HERC2: variants seen among roughly 807,000 people sequenced by gnomAD.
HERC2 encodes E3 ubiquitin-protein ligase HERC2.
In HERC2, 102 loss-of-function variants were observed where a neutral mutation model predicts 537.7. The ratio of observed to expected loss-of-function variants is 0.19; its 90% CI spans 0.16 to 0.22. HERC2 has a LOEUF of 0.22. Among genes scored for constraint, HERC2 ranks in the 10% least tolerant of loss-of-function variants. HERC2 has a pLI of 1.00. For missense variants in HERC2, 4,236 were observed against 6,198.2 expected (o/e 0.68, Z 10.63); for synonymous variants, 2,224 against 2,466.2 (o/e 0.90, Z 2.91).
chr15:28,154,772 T>A (rs1467423015), intron 69 of HERC2, among the ~76,000 whole-genome samples: 2 of 152,076 alleles, frequency 1.3e-5, no homozygotes, highest in East Asian at 1.9e-4. Flanking sequence ...TATATATATA[T>A]TTTTTTATTA....
At chr15:28,125,604 T>C (rs973550672) in intron 83 of HERC2, among the ~76,000 whole-genome samples, 8 of 152,124 alleles carry the variant, frequency 5.3e-5, no homozygotes, top group Admixed American at 1.3e-4. Context: ...TTAAAACACA[T>C]AGCAATATCC....
chr15:28,226,500 T>G (rs1040433059), intron 35 of HERC2, among the ~76,000 whole-genome samples: 110 of 152,114 alleles, frequency 7.2e-4, no homozygotes, highest in African/African-American at 2.5e-3. Flanking sequence ...TACCCAGAAC[T>G]TCAGGGAAAG....
chr15:28,288,263 G>A (rs2076213707), intron 4 of HERC2, among the ~76,000 whole-genome samples: 2 of 151,972 alleles, frequency 1.3e-5, no homozygotes, highest in Non-Finnish European at 1.5e-5. Flanking sequence ...ACTTTTTTCT[G>A]GCCAGCCATG....
intron 6 of HERC2, 126 bp from the exon 7 acceptor site, chr15:28,274,573 T>C: frequency 2.1e-6 from 2 of 939,978 alleles, no homozygotes; most frequent in Non-Finnish European, 3.1e-6. Flanking sequence ...GGCCAAAATC[T>C]AGCGCAGCTG....
chr15:28,124,998 G>C lies in HERC2; in HGVS notation c.12990+8C>G, dbSNP rs112585884. 6.3e-7 allele frequency: 1 copy of C among 1,587,722 alleles called. No individual in the cohort carries two copies. The highest frequency in any genetic ancestry group is 1.7e-5 in the Admixed American group (1 of 59,616). On this transcript the variant is annotated splice_region_variant and intron_variant, in intron 84 of 92. Coordinates refer to ENST00000261609, the MANE Select transcript of HERC2 (RefSeq NM_004667.6). ...TGCCCCCGACCCACCCAACCTGCCC[G>C]GACTCACCTGTGCAGGGAGTTTGCC...
chr15:28,224,888 A>G (rs1310279216), intron 35 of HERC2, among the ~76,000 whole-genome samples: 1 of 152,260 alleles, frequency 6.6e-6, no homozygotes, highest in South Asian at 2.1e-4. Flanking sequence ...AACACACAGT[A>G]AACAACCAGT....
chr15:28,163,584 A>G (rs568720568), intron 68 of HERC2, among the ~76,000 whole-genome samples: 1 of 152,364 alleles, frequency 6.6e-6, no homozygotes, highest in East Asian at 1.9e-4. Context: ...GATCATAAGC[A>G]GATACTACAG....
chr15:28,141,532 T>C lies in HERC2; in HGVS notation c.11915A>G (p.Lys3972Arg). ...TTCACAGGGAGTGGGAACTTTGACT[T>C]TTGCGCCTTCAATGCCCCCGAGCTG... Reference protein sequence around the residue: ...RGQLGGIEGAKVKVPTPCEAL... With the variant: ...RGQLGGIEGARVKVPTPCEAL... The change falls in exon 78 of 93, where the codon AAA becomes AGA. Residue 3972 changes from lysine to arginine, a missense_variant. Physicochemically the swap from Lys to Arg is conservative, Grantham distance 26. Transcript: ENST00000261609. 1 of 1,614,110 alleles carries C rather than the reference T, an allele frequency of 6.2e-7. No homozygotes were observed. The highest frequency in any genetic ancestry group is 8.5e-7 in the Non-Finnish European group (1 of 1,180,028).
intron 4 of HERC2, among the ~76,000 whole-genome samples, chr15:28,281,637 C>T (rs1236164026): frequency 1.3e-5 from 2 of 152,196 alleles, no homozygotes; most frequent in Non-Finnish European, 2.9e-5. Flanking sequence ...ACACTGTGCC[C>T]AGCACCAGCA....
At chr15:28,114,880 T>A (rs1888042408) in intron 89 of HERC2, 78 bp from the exon 90 acceptor site, 3 of 1,254,414 alleles carry the variant, frequency 2.4e-6, no homozygotes, top group African/African-American at 1.5e-5. Context: ...CCCAGCACAC[T>A]CTGTCAAGCA....
chr15:28,204,640 A>G (rs1391703566), intron 45 of HERC2, among the ~76,000 whole-genome samples: 1 of 151,566 alleles, frequency 6.6e-6, no homozygotes, highest in Non-Finnish European at 1.5e-5. Context: ...AAAAAGATAG[A>G]CTTAAAGGAT....
At position 28,113,628 on chromosome 15, in the gene HERC2, C is replaced by T. The variant is rs371898983; in HGVS notation, c.13964G>A (p.Arg4655His). 24 of 1,614,066 alleles carry T rather than the reference C, an allele frequency of 1.5e-5. No individual in the cohort carries two copies. The highest frequency in any genetic ancestry group is 1.9e-5 in the Non-Finnish European group (23 of 1,180,032). ...QVAAVREGMA[R>H]VVPVPLLSLF... The stretch of plus-strand genomic sequence containing the variant: ...AGAGAGGAGGGGAACAGGCACAACG[C>T]GGGCCATTCCTTCCCGAACAGCAGC... The change falls in exon 91 of 93, where the codon CGC (arginine) becomes CAC (histidine). Residue 4655 changes from arginine to histidine, a missense_variant. By Grantham distance (29) the Arg-to-His change is conservative. This residue lies in a region of HERC2 where 313 missense variants were observed against 462.6 expected (regional missense o/e 0.68). Coordinates refer to ENST00000261609, the MANE Select transcript of HERC2 (RefSeq NM_004667.6). The surrounding 1 kb of genome is among the most constrained non-coding windows in gnomAD (Gnocchi z 7.0).
At position 28,167,783 on chromosome 15, in the gene HERC2, C is replaced by G; in HGVS notation, c.10458G>C (p.Pro3486=). 1 of 1,614,142 alleles carries G rather than the reference C, an allele frequency of 6.2e-7. No individual in the cohort carries two copies. The highest frequency in any genetic ancestry group is 1.1e-5 in the South Asian group (1 of 91,082). The change falls in exon 68 of 93, where the codon CCG becomes CCC. Residue 3486 remains proline (P), a synonymous_variant. Transcript: ENST00000261609. ...GCCGAGCGGAGGCTGAGGGGGCCGA[C>G]GGAGTCACTGCAGAGGGGGTCACTG... ...EDAVTPSAVT[P]SAPSASARPF...
At position 28,176,830 on chromosome 15, in the gene HERC2, C is replaced by G; in HGVS notation, c.9433-62G>C. 3 of 1,588,560 alleles carry G rather than the reference C, an allele frequency of 1.9e-6. No homozygotes were observed. The South Asian group carries it at 3.3e-5, about 18-fold the overall frequency. ...AGGCACGGAGAAAGCAATGGATTTT[C>G]CCACAGATAAAGCCAACCATGCACA... On this transcript the variant is annotated intron_variant, in intron 61 of 92. Transcript: ENST00000261609. The surrounding 1 kb of genome is among the most constrained non-coding windows in gnomAD (Gnocchi z 5.0).
intron 83 of HERC2, among the ~76,000 whole-genome samples, chr15:28,128,382 T>A (rs1424039325): frequency 6.6e-6 from 1 of 152,232 alleles, no homozygotes; most frequent in Admixed American, 6.5e-5. Context: ...CTCACTCTCA[T>A]GTGGACTGGG....
chr15:28,266,973 C>T (rs192266486), intron 12 of HERC2, among the ~76,000 whole-genome samples: 38 of 152,254 alleles, frequency 2.5e-4, no homozygotes, highest in African/African-American at 8.7e-4. Flanking sequence ...TGGAATGAAG[C>T]CAGCACTCTG....
At chr15:28,275,696 T>G (rs1403147041) in intron 5 of HERC2, among the ~76,000 whole-genome samples, 11 of 152,036 alleles carry the variant, frequency 7.2e-5, no homozygotes, top group Admixed American at 3.3e-4. Context: ...GGCAGGAGAA[T>G]GGTGTGAACC....
intron 56 of HERC2, among the ~76,000 whole-genome samples, chr15:28,183,673 C>G (rs1896034685): frequency 1.3e-5 from 2 of 152,180 alleles, no homozygotes; most frequent in South Asian, 4.1e-4. Context: ...TTTGCTTTTG[C>G]TCTATTTTTA....
intron 44 of HERC2, among the ~76,000 whole-genome samples, chr15:28,207,118 G>C (rs916831775): frequency 2.0e-5 from 3 of 149,290 alleles, no homozygotes; most frequent in African/African-American, 7.7e-5. Flanking sequence ...CTCCTTCCCA[G>C]ATTTCTGCAC....
Sources: allele counts gnomAD v4.1 joint callset (sites outside exome capture counted in the v4.1 genomes callset), GRCh38; gene constraint gnomAD v4.1.1; regional missense constraint gnomAD v4.1.1; non-coding constraint Gnocchi (gnomAD v3.1); transcripts MANE v1.5; gene names NCBI Gene and HGNC (gene_info 2026-07-23, HGNC 2026-07-21).